The following SCYL1 variants were observed in gnomAD, a reference collection of about 807,000 sequenced individuals.
SCYL1 encodes N-terminal kinase-like protein.
A neutral mutation model predicts 94.8 loss-of-function variants in SCYL1; 85 were observed. The observed-to-expected ratio is 0.90, with a 90% CI of 0.75 to 1.07. The LOEUF is 1.07. Among genes scored for constraint, SCYL1 ranks in the 50% least tolerant of loss-of-function variants. The probability of loss-of-function intolerance (pLI) is 0.00; values close to 1 mark genes in which losing one functional copy is unlikely to be tolerated. For missense variants in SCYL1, 968 were observed against 1,083.3 expected, an observed-to-expected ratio of 0.89 and a Z score of 1.49; for synonymous variants, 459 against 435.5, an observed-to-expected ratio of 1.05 and a Z score of -0.67.
intron 6 of SCYL1, among the ~76,000 whole-genome samples, chr11:65,529,023 G>A (rs1160663147): frequency 6.6e-6 from 1 of 152,196 alleles, no homozygotes; most frequent in Non-Finnish European, 1.5e-5. Context: ...CTGGCCTGCA[G>A]GGTTGCTGTA....
At chr11:65,525,336 C>T in intron 1 of SCYL1, 72 bp downstream of exon 1, 4 of 1,203,332 alleles carry the variant, frequency 3.3e-6, no homozygotes, top group Non-Finnish European at 4.4e-6. Flanking sequence ...GACCCCGTCG[C>T]GTTGCGCCCG....
Position 65,525,714 on chromosome 11 carries a change from G to A in SCYL1, c.252G>A (p.Glu84=). The A allele has an allele frequency of 1.2e-6, 2 of 1,612,606 alleles. No homozygotes were observed. Among genetic ancestry groups the A allele is most frequent in the Non-Finnish European group, 1.7e-6 (2 of 1,179,822 alleles). Residue 84 remains glutamate (E), a splice_region_variant and synonymous_variant, in exon 2 of 18, where the codon GAG becomes GAA. Coordinates refer to ENST00000270176, the MANE Select transcript of SCYL1 (RefSeq NM_020680.4). ...PNILAYIDGL[E]TEKCLHVVTE... ...TCCTGGCTTACATCGATGGACTGGA[G>A]GTACCTGCTGCCTTGCCTGCCCGTC...
intron 9 of SCYL1, among the ~76,000 whole-genome samples, chr11:65,533,950 C>T (rs1360977784): frequency 6.6e-6 from 1 of 152,168 alleles, no homozygotes; most frequent in Non-Finnish European, 1.5e-5. Context: ...CAAAAAATGG[C>T]TGGGCCCGGT....
In SCYL1 at chr11:65,535,394, G is replaced by A. The variant is rs555109917; in HGVS notation, c.1386+12G>A. 3 of 1,612,064 alleles carry A rather than the reference G, an allele frequency of 1.9e-6. No homozygotes were observed. Among genetic ancestry groups the A allele is most frequent in the Admixed American group, 3.3e-5 (2 of 59,984 alleles). On this transcript the variant is annotated intron_variant, in intron 10 of 17. Coordinates refer to ENST00000270176, the MANE Select transcript of SCYL1 (RefSeq NM_020680.4). ...ACCTCAGTGCTAGCGTGAGTGTCCT[G>A]CACAACTGCTGGAGCCCGGTCCCTG...
rs1307659425 is a variant in SCYL1 at position 65,525,256 on chromosome 11, C to T, written c.103C>T (p.Arg35Cys). 6.9e-6 allele frequency: 10 copies of T among 1,441,754 alleles called. No individual in the cohort carries two copies. Among genetic ancestry groups the T allele is most frequent in the Non-Finnish European group, 8.2e-6 (9 of 1,095,080 alleles). 89.3% of individuals were successfully genotyped at this position (1,441,754 alleles called of 1,614,324 possible). ...LPGPWALHRG[R>C]KKATGSPVSI... ...CGGGCCCTGGGCCCTGCACCGCGGC[C>T]GCAAGAAGGTGAGTGCGGCCGAGCT... The change falls in exon 1 of 18, where the codon CGC (arginine) becomes TGC (cysteine). Residue 35 changes from arginine (R) to cysteine (C), a missense_variant. By Grantham distance (180) the Arg-to-Cys change is radical. This residue lies in a region of SCYL1 where 494 missense variants were observed against 619.7 expected (regional missense o/e 0.80). Transcript: ENST00000270176.
At chr11:65,536,812 A>C (rs1186035126) in intron 13 of SCYL1, 62 bp downstream of exon 13, 1 of 1,523,900 alleles carries the variant, frequency 6.6e-7, no homozygotes, top group Non-Finnish European at 9.0e-7. Context: ...GGCACCCAGG[A>C]ACTCTTACTG....
chr11:65,528,472 A>G (rs1435126101), intron 6 of SCYL1, among the ~76,000 whole-genome samples: 2 of 150,014 alleles, frequency 1.3e-5, no homozygotes, highest in Non-Finnish European at 3.0e-5. Context: ...CATAAATAAG[A>G]AAACCAGCCA....
intron 13 of SCYL1, 52 bp from the exon 14 acceptor site, chr11:65,536,934 T>G: frequency 7.5e-7 from 1 of 1,333,848 alleles, no homozygotes; most frequent in Non-Finnish European, 1.1e-6. Flanking sequence ...CCTAGCAGCC[T>G]CTGCCCTGTC....
intron 8 of SCYL1, 56 bp from the exon 9 acceptor site, chr11:65,532,636 A>G (rs1448023185): frequency 2.9e-6 from 4 of 1,401,646 alleles, no homozygotes; most frequent in Non-Finnish European, 3.0e-6. Flanking sequence ...TTCCATGGCT[A>G]TGGGGATAGA....
chr11:65,535,909 C>T, intron 10 of SCYL1, 44 bp from the exon 11 acceptor site: 1 of 1,510,346 alleles, frequency 6.6e-7, no homozygotes, highest in South Asian at 1.3e-5. Context: ...TGGGTCCCAA[C>T]ATTGACCCTA....
At position 65,526,247 on chromosome 11, in the gene SCYL1, C is replaced by G; in HGVS notation, c.499C>G (p.Gln167Glu). 2.5e-6 allele frequency: 4 copies of G among 1,613,260 alleles called. No homozygotes were observed. Among genetic ancestry groups the G allele is most frequent in the Non-Finnish European group, 3.4e-6 (4 of 1,179,972 alleles). Residue 167 changes from glutamine to glutamate, a missense_variant, in exon 4 of 18, where the codon CAG becomes GAG. This residue lies in a region of SCYL1 where 494 missense variants were observed against 619.7 expected (regional missense o/e 0.80). Transcript: ENST00000270176. The surrounding 1 kb of genome is among the most constrained non-coding windows in gnomAD (Gnocchi z 4.1). Reference sequence around the variant, plus strand: ...GGGCCTGGACTACATGTATTCGGCCCAGGGCAACGGTGGGGGACCTCCCCG... The same window carrying G: ...GGGCCTGGACTACATGTATTCGGCCGAGGGCAACGGTGGGGGACCTCCCCG... ...LGGLDYMYSAQGNGGGPPRKG... is the reference protein window; with the variant it reads ...LGGLDYMYSAEGNGGGPPRKG...
Position 65,525,661 on chromosome 11 carries a change from C to G in SCYL1, c.199C>G (p.Arg67Gly), listed in dbSNP as rs1267093507. The change falls in exon 2 of 18, where the codon CGC becomes GGC. Residue 67 changes from arginine to glycine, a missense_variant. Physicochemically the swap from Arg to Gly is moderately radical, Grantham distance 125. Around this residue, in one of 2 missense-constraint regions of SCYL1, gnomAD observed 494 missense variants for 619.7 expected, o/e 0.80. Coordinates refer to ENST00000270176, the MANE Select transcript of SCYL1 (RefSeq NM_020680.4). Reference protein sequence around the residue: ...QTQVAKAAFKRFKTLRHPNIL... With the variant: ...QTQVAKAAFKGFKTLRHPNIL... ...CCAGGTGGCCAAAGCTGCCTTCAAGCGCTTCAAAACTCTACGGCACCCCAA... is the reference window on the plus strand; with the variant it reads ...CCAGGTGGCCAAAGCTGCCTTCAAGGGCTTCAAAACTCTACGGCACCCCAA... 6.2e-7 allele frequency: 1 copy of G among 1,612,828 alleles called. No individual in the cohort carries two copies. Among genetic ancestry groups the G allele is most frequent in the South Asian group, 1.1e-5 (1 of 91,068 alleles).
intron 14 of SCYL1, 30 bp downstream of exon 14, chr11:65,537,158 G>A (rs761377499): frequency 3.1e-6 from 5 of 1,613,176 alleles, no homozygotes; most frequent in Non-Finnish European, 4.2e-6. Context: ...CCTCCCCAGG[G>A]GACCCCAGCT....
At position 65,526,955 on chromosome 11, in the gene SCYL1, C is replaced by T. The variant is rs768618956; in HGVS notation, c.694-7C>T. 3 of 1,610,816 alleles carry T rather than the reference C, an allele frequency of 1.9e-6. No individual in the cohort carries two copies. In the Admixed American group the frequency reaches 5.0e-5, roughly 27 times the overall value. On this transcript the variant is annotated splice_region_variant and splice_polypyrimidine_tract_variant and intron_variant, in intron 5 of 17. Transcript: ENST00000270176. This position sits in a 1 kb window ranked among gnomAD's most constrained non-coding sequence, Gnocchi z 4.1. ...CCCCTGCCCTGACACTGACCCCTCC[C>T]CTACAGATCCCCAAAACGCTGGTGC...
At position 65,536,347 on chromosome 11, in the gene SCYL1, C is replaced by T. The variant is rs1383219669; in HGVS notation, c.1651+13C>T. On this transcript the variant is annotated intron_variant, in intron 12 of 17. Coordinates refer to ENST00000270176, the MANE Select transcript of SCYL1 (RefSeq NM_020680.4). ...CTGGAGGAAGTGGGTGAGTGGCTTACACTCGTGTTCCCTCTTTCCCTGCCA... is the reference window on the plus strand; with the variant it reads ...CTGGAGGAAGTGGGTGAGTGGCTTATACTCGTGTTCCCTCTTTCCCTGCCA... 4 of 1,612,774 alleles carry T rather than the reference C, an allele frequency of 2.5e-6. No individual in the cohort carries two copies. Among genetic ancestry groups the T allele is most frequent in the Non-Finnish European group, 2.5e-6 (3 of 1,178,912 alleles).
rs377514487 is a variant in SCYL1, at chr11:65,537,952, C to T, written c.2032-15C>T. 81 of 1,602,154 alleles carry T rather than the reference C, an allele frequency of 5.1e-5. 1 individual carries two copies. The South Asian group carries it at 7.8e-4, about 15-fold the overall frequency. Reference sequence around the variant, plus strand: ...CTTGGGCCCAGGGCTACTTCCCCCTCCCGCTCTTCTACAGGTCAGCAACTC... The same window carrying T: ...CTTGGGCCCAGGGCTACTTCCCCCTTCCGCTCTTCTACAGGTCAGCAACTC... On this transcript the variant is annotated splice_polypyrimidine_tract_variant and intron_variant, in intron 15 of 17. Transcript: ENST00000270176.
At chr11:65,534,741 C>G (rs1855557371) in intron 9 of SCYL1, among the ~76,000 whole-genome samples, 1 of 152,090 alleles carries the variant, frequency 6.6e-6, no homozygotes, top group Admixed American at 6.5e-5. Flanking sequence ...ACGTTAGAGT[C>G]TCAGCAAAAG....
At chr11:65,537,314 C>A (rs530934270) in intron 14 of SCYL1, among the ~76,000 whole-genome samples, 186 bp downstream of exon 14, 1 of 152,222 alleles carries the variant, frequency 6.6e-6, no homozygotes, top group Admixed American at 6.5e-5. Context: ...TCAACCCCAG[C>A]GGCCCCAGGG....
At chr11:65,537,207 C>A in intron 14 of SCYL1, 79 bp downstream of exon 14, 1 of 1,533,654 alleles carries the variant, frequency 6.5e-7, no homozygotes, top group Non-Finnish European at 9.0e-7. Flanking sequence ...TTCTGTGGGG[C>A]CTGGCTGGAG....
Sources: allele counts gnomAD v4.1 joint callset (sites outside exome capture counted in the v4.1 genomes callset), GRCh38; gene constraint gnomAD v4.1.1; regional missense constraint gnomAD v4.1.1; non-coding constraint Gnocchi (gnomAD v3.1); transcripts MANE v1.5; gene names NCBI Gene and HGNC (gene_info 2026-07-23, HGNC 2026-07-21).